Variants in REEP1 observed in about 807,000 individuals in gnomAD.
REEP1 encodes receptor accessory protein 1.
REEP1 carries 22 observed loss-of-function variants against 40.3 expected under a neutral mutation model. The ratio of observed to expected loss-of-function variants is 0.55; its 90% CI spans 0.39 to 0.78. The LOEUF (loss-of-function observed/expected upper bound fraction) is 0.78. REEP1 is among the 30% of genes least tolerant of loss of function. The pLI is 0.00. For missense variants in REEP1, 280 were observed against 361.1 expected, an observed-to-expected ratio of 0.78 and a Z score of 1.82; for synonymous variants, 116 against 139.2, an observed-to-expected ratio of 0.83 and a Z score of 1.17.
chr2:86,223,362 G>C (rs2042501), intron 7 of REEP1: 151,074 of 152,434 alleles, frequency 0.99, 74,888 homozygotes, highest in East Asian at 1. Context: ...CAGGGCTGCC[G>C]CACCCCTGCA....
At chr2:86,239,937 C>T (rs1039538920) in intron 5 of REEP1, 6 of 152,536 alleles carry the variant, frequency 3.9e-5, no homozygotes, top group South Asian at 2.1e-4. Flanking sequence ...ATCCAGACCA[C>T]GTGCTGGTGA....
At chr2:86,283,674 G>T (rs1433923028) in intron 1 of REEP1, among the ~76,000 whole-genome samples, 2 of 152,224 alleles carry the variant, frequency 1.3e-5, no homozygotes, top group Non-Finnish European at 1.5e-5. Context: ...GCACTGAAAG[G>T]GAGAGGGCTG....
intron 3 of REEP1, 23 bp downstream of exon 3, chr2:86,263,942 A>T (rs1677001577): frequency 6.3e-7 from 1 of 1,590,362 alleles, no homozygotes; most frequent in Non-Finnish European, 8.6e-7. Context: ...CCTTAGAAAC[A>T]TCCCAACTCC....
At chr2:86,299,924 C>T (rs140633550) in intron 1 of REEP1, among the ~76,000 whole-genome samples, 2 of 152,260 alleles carry the variant, frequency 1.3e-5, no homozygotes, top group Non-Finnish European at 2.9e-5. Context: ...AATACAAGTA[C>T]ACCAGTAAAA....
intron 1 of REEP1, among the ~76,000 whole-genome samples, chr2:86,314,099 T>G (rs965397465): frequency 6.6e-6 from 1 of 152,184 alleles, no homozygotes; most frequent in Non-Finnish European, 1.5e-5. Context: ...CCACAGTGAC[T>G]GGAATGATCT....
chr2:86,275,609 A>G lies in REEP1; in HGVS notation c.105+6561T>C, dbSNP rs1006414672. 2.6e-5 allele frequency among the ~76,000 whole-genome samples: 4 copies of G among 152,156 alleles called. No homozygotes were observed. The East Asian group carries it at 7.7e-4, about 29-fold the overall frequency. ...CTGCTGAAATGATTCCACCTAGCCA[A>G]TCTGAAATCTGTTTACCCTGTCTTG... On this transcript the variant is annotated intron_variant, in intron 2 of 8. Coordinates refer to ENST00000538924, the MANE Select transcript of REEP1 (RefSeq NM_001371279.1).
chr2:86,277,856 T>A (rs567016057), intron 2 of REEP1, among the ~76,000 whole-genome samples: 1 of 152,232 alleles, frequency 6.6e-6, no homozygotes, highest in African/African-American at 2.4e-5. Flanking sequence ...TGAGCTATTT[T>A]ACAACTTTAT....
chr2:86,325,527 G>T (rs559617460), intron 1 of REEP1, among the ~76,000 whole-genome samples: 2 of 152,166 alleles, frequency 1.3e-5, no homozygotes, highest in Non-Finnish European at 2.9e-5. Flanking sequence ...ATTCAAGTGG[G>T]CCCTATTTGA....
At chr2:86,298,668 A>C (rs1679111491) in intron 1 of REEP1, among the ~76,000 whole-genome samples, 1 of 152,378 alleles carries the variant, frequency 6.6e-6, no homozygotes, top group South Asian at 2.1e-4. Context: ...CCCTGCATCC[A>C]GAGATAGTGT....
chr2:86,327,355 C>CA (rs1490980294), intron 1 of REEP1, among the ~76,000 whole-genome samples: 1 of 151,784 alleles, frequency 6.6e-6, no homozygotes, highest in African/African-American at 2.4e-5. Flanking sequence ...TATGTATGTG[C>CA]AAAGGGTGCT....
intron 2 of REEP1, among the ~76,000 whole-genome samples, chr2:86,265,593 T>C (rs529293942): frequency 1.3e-5 from 2 of 151,934 alleles, no homozygotes; most frequent in Non-Finnish European, 1.5e-5. Flanking sequence ...ATATGCACAA[T>C]GGAATACTAC....
At chr2:86,316,263 G>C (rs1297166852) in intron 1 of REEP1, among the ~76,000 whole-genome samples, 1 of 152,162 alleles carries the variant, frequency 6.6e-6, no homozygotes, top group Non-Finnish European at 1.5e-5. Context: ...AAGGGGCCAG[G>C]TGCGGTGGTT....
At chr2:86,238,800 G>A (rs1474772595) in intron 5 of REEP1, among the ~76,000 whole-genome samples, 1 of 152,288 alleles carries the variant, frequency 6.6e-6, no homozygotes, top group East Asian at 1.9e-4. Context: ...ATAGAAACCA[G>A]GTAGAAAAAG....
intron 7 of REEP1, among the ~76,000 whole-genome samples, chr2:86,223,009 C>A (rs1420383906): frequency 6.6e-6 from 1 of 152,200 alleles, no homozygotes; most frequent in Non-Finnish European, 1.5e-5. Context: ...CTAATTGGCT[C>A]CCAGAGACAA....
intron 5 of REEP1, among the ~76,000 whole-genome samples, chr2:86,236,004 G>A (rs530164093): frequency 6.6e-6 from 1 of 152,150 alleles, no homozygotes; most frequent in East Asian, 1.9e-4. Context: ...ATCACTTGAG[G>A]TCAGGAGTTT....
rs1681101812 is a variant in REEP1, at chr2:86,337,431, G to C, written c.32+48C>G. On this transcript the variant is annotated intron_variant, in intron 1 of 8. Transcript: ENST00000538924. The surrounding 1 kb of genome is among the most constrained non-coding windows in gnomAD (Gnocchi z 5.8). ...AGGGGCGCGCGCAGCCCGGGGCCGG[G>C]GGCGGGGAGGGAGGGGACGGAGGGG... The C allele has an allele frequency of 2.5e-6, 3 of 1,199,992 alleles. No homozygotes were observed. Among genetic ancestry groups the C allele is most frequent in the South Asian group, 3.3e-5 (1 of 30,292 alleles). The allele number at this position is 1,199,992 out of a possible 1,614,324, so 74.3% of individuals were successfully genotyped here. A position where few individuals can be genotyped will look rare whatever the true frequency, so the allele number is the denominator to read the frequency against.
chr2:86,226,075 T>TCATCACCACCACCAC (rs1674665387), intron 7 of REEP1, among the ~76,000 whole-genome samples: 4 of 111,792 alleles, frequency 3.6e-5, no homozygotes, highest in Non-Finnish European at 7.6e-5. Context: ...CTCCAGGCTA[T>TCATCACCACCACCAC]CACCACCACC....
At chr2:86,288,346 C>T (rs1247999664) in intron 1 of REEP1, among the ~76,000 whole-genome samples, 1 of 152,174 alleles carries the variant, frequency 6.6e-6, no homozygotes, top group Non-Finnish European at 1.5e-5. Context: ...TGTATTGACA[C>T]AGGGTCTCGC....
chr2:86,253,675 T>C (rs1230199983), intron 4 of REEP1, among the ~76,000 whole-genome samples: 1 of 152,194 alleles, frequency 6.6e-6, no homozygotes, highest in Non-Finnish European at 1.5e-5. Flanking sequence ...AATCCACCCT[T>C]CTGAGACAGG....
Sources: allele counts gnomAD v4.1 joint callset (sites outside exome capture counted in the v4.1 genomes callset), GRCh38; gene constraint gnomAD v4.1.1; non-coding constraint Gnocchi (gnomAD v3.1); transcripts MANE v1.5; gene names NCBI Gene and HGNC (gene_info 2026-07-23, HGNC 2026-07-21).